YIPF2: variants seen among roughly 807,000 people sequenced by gnomAD.
YIPF2 encodes protein YIPF2.
YIPF2 carries 30 observed loss-of-function variants against 38.8 expected under a neutral mutation model. The ratio of observed to expected loss-of-function variants is 0.77; its 90% confidence interval spans 0.58 to 1.05. The LOEUF is 1.05. Ranked by LOEUF, YIPF2 falls within the 50% of genes least tolerant of loss-of-function variation. The pLI is 0.00. For synonymous variants in YIPF2, 194 were observed against 183.8 expected, an observed-to-expected ratio of 1.06 and a Z score of -0.45; for missense variants, 401 against 409.7, an observed-to-expected ratio of 0.98 and a Z score of 0.18.
Position 10,924,118 on chromosome 19 carries a change from T to C in YIPF2, c.442A>G (p.Arg148Gly). 1 of 1,613,744 alleles carries C rather than the reference T, an allele frequency of 6.2e-7. No individual in the cohort carries two copies. Among genetic ancestry groups the C allele is most frequent in the South Asian group, 1.1e-5 (1 of 91,082 alleles). ...TGNLTLVLAQ[R>G]RDPSIHYSPQ... ...CTGTAGTGGATGGAGGGGTCCCTCC[T>C]CTGGGCCAGCACCAGCGTCAGGTTG... The change falls in exon 6 of 10, where the codon AGG (arginine) becomes GGG (glycine). Residue 148 changes from arginine to glycine, a missense_variant. By Grantham distance (125) the Arg-to-Gly change is moderately radical. Coordinates refer to ENST00000586748, the MANE Select transcript of YIPF2 (RefSeq NM_001321439.2).
intron 4 of YIPF2, among the ~76,000 whole-genome samples, chr19:10,927,221 C>T (rs2083439607): frequency 6.6e-6 from 1 of 152,196 alleles, no homozygotes; most frequent in South Asian, 2.1e-4. Flanking sequence ...GTTAGCCAGG[C>T]TGGTCTTGAA....
At chr19:10,924,021 G>A in intron 6 of YIPF2, 22 bp from the exon 7 acceptor site, 2 of 1,612,492 alleles carry the variant, frequency 1.2e-6, no homozygotes, top group South Asian at 2.2e-5. Context: ...AAGGTGAGCA[G>A]TCACCCCCTG....
chr19:10,923,712 TC>T (rs1429599889), intron 7 of YIPF2, 35 bp from the exon 8 acceptor site: 2 of 1,582,420 alleles, frequency 1.3e-6, no homozygotes, highest in East Asian at 4.5e-5. Flanking sequence ...ACCATGCCAG[TC>T]CCCCCAGCCA....
rs766562986 is a variant in YIPF2 at position 10,927,790 on chromosome 19, G to A, written c.192+9C>T. 6.2e-7 allele frequency: 1 copy of A among 1,607,996 alleles called. No individual in the cohort carries two copies. On this transcript the variant is annotated intron_variant, in intron 3 of 9. Coordinates refer to ENST00000586748, the MANE Select transcript of YIPF2 (RefSeq NM_001321439.2). ...GGGGGCTGCAAGGAGGCAGGACACA[G>A]GGACTCACCGCGGCCTTGTCACTCT...
rs764066952 is a variant in YIPF2 at position 10,927,954 on chromosome 19, C to T, written c.37G>A (p.Glu13Lys). Residue 13 changes from glutamate (E) to lysine (K), a missense_variant, in exon 3 of 10, where the codon GAG becomes AAG. By Grantham distance (56) the Glu-to-Lys change is moderately conservative. Transcript: ENST00000586748. ...SADELTFHEF[E>K]EATNLLADTP... ...TCAGCCAGAAGATTAGTGGCCTCCT[C>T]GAATTCTGTGGAGGAGGTATATGGG... 4 of 1,604,870 alleles carry T rather than the reference C, an allele frequency of 2.5e-6. No individual in the cohort carries two copies. Among genetic ancestry groups the T allele is most frequent in the South Asian group, 1.1e-5 (1 of 90,874 alleles).
intron 3 of YIPF2, 33 bp downstream of exon 3, chr19:10,927,766 G>A (rs773355112): frequency 5.0e-6 from 8 of 1,609,848 alleles, no homozygotes; most frequent in Non-Finnish European, 1.7e-6. Flanking sequence ...GGGTCAGCTG[G>A]GGGCTGCAAG....
chr19:10,924,302 C>T, intron 5 of YIPF2, 110 bp from the exon 6 acceptor site: 2 of 997,244 alleles, frequency 2.0e-6, no homozygotes, highest in Non-Finnish European at 2.9e-6. Context: ...AAGCACCTTG[C>T]CTGACTCACC....
At chr19:10,925,812 G>A in intron 4 of YIPF2, 39 bp from the exon 5 acceptor site, 1 of 1,603,632 alleles carries the variant, frequency 6.2e-7, no homozygotes, top group Non-Finnish European at 8.5e-7. Context: ...AAGTCTGCCA[G>A]GAGCTTCTCC....
chr19:10,928,256 T>C, intron 2 of YIPF2, 124 bp downstream of exon 2: 1 of 1,207,252 alleles, frequency 8.3e-7, no homozygotes, highest in Non-Finnish European at 1.1e-6. Flanking sequence ...GAGATGGGTC[T>C]CACTCCTGGG....
In YIPF2 at chr19:10,924,254, A is replaced by G. The variant is rs2083383201; in HGVS notation, c.368-62T>C. The G allele has an allele frequency of 3.4e-6, 5 of 1,467,958 alleles. No homozygotes were observed. The South Asian group carries it at 4.7e-5, about 14-fold the overall frequency. 90.9% of individuals were successfully genotyped at this position (1,467,958 alleles called of 1,614,324 possible). A position where few individuals can be genotyped will look rare whatever the true frequency, so the allele number is the denominator to read the frequency against. On this transcript the variant is annotated intron_variant, in intron 5 of 9. Coordinates refer to ENST00000586748, the MANE Select transcript of YIPF2 (RefSeq NM_001321439.2). The stretch of plus-strand genomic sequence containing the variant: ...GCACTCCCAGGACAAGCAGACATGT[A>G]TCCTGACTGAGCTGTGCTGAGACCC...
rs568353844 is a variant in YIPF2 at position 10,923,006 on chromosome 19, C to T, written c.*188G>A. 2.3e-5 allele frequency: 7 copies of T among 303,064 alleles called. No homozygotes were observed. Among genetic ancestry groups the T allele is most frequent in the East Asian group, 8.8e-5 (1 of 11,308 alleles). The allele number at this position is 303,064 out of a possible 1,614,324, so 18.8% of individuals were successfully genotyped here. A position where few individuals can be genotyped will look rare whatever the true frequency, so the allele number is the denominator to read the frequency against. Reference sequence around the variant, plus strand: ...CAAAGCTCCCTGCTCGGCTGCCCCTCGCCCGCCTTTATATAAATTCTCTGA... The same window carrying T: ...CAAAGCTCCCTGCTCGGCTGCCCCTTGCCCGCCTTTATATAAATTCTCTGA... On this transcript the variant is annotated 3_prime_UTR_variant, in exon 10 of 10. Transcript: ENST00000586748.
In YIPF2 at chr19:10,927,802, G is replaced by T. The variant is rs1395343956; in HGVS notation, c.189C>A (p.Ala63=). The T allele has an allele frequency of 1.2e-6, 2 of 1,607,024 alleles. No individual in the cohort carries two copies. Among genetic ancestry groups the T allele is most frequent in the Non-Finnish European group, 8.5e-7 (1 of 1,176,118 alleles). Residue 63 remains alanine (A), a synonymous_variant, in exon 3 of 10, where the codon GCC becomes GCA. Coordinates refer to ENST00000586748, the MANE Select transcript of YIPF2 (RefSeq NM_001321439.2). The stretch of plus-strand genomic sequence containing the variant: ...GAGGCAGGACACAGGGACTCACCGC[G>T]GCCTTGTCACTCTCCTCCTCCACCT... ...EDEVEEESDK[A]ALLQEQQQQQ...
At position 10,923,880 on chromosome 19, in the gene YIPF2, T is replaced by A; in HGVS notation, c.604A>T (p.Thr202Ser). 1 of 1,613,286 alleles carries A rather than the reference T, an allele frequency of 6.2e-7. No individual in the cohort carries two copies. The highest frequency in any genetic ancestry group is 8.5e-7 in the Non-Finnish European group (1 of 1,179,658). Residue 202 changes from threonine (T) to serine (S), a missense_variant, in exon 7 of 10, where the codon ACT becomes TCT. By Grantham distance (58) the Thr-to-Ser change is moderately conservative. Coordinates refer to ENST00000586748, the MANE Select transcript of YIPF2 (RefSeq NM_001321439.2). ...AGGGAGTAGCCGTAGATGCACACAG[T>A]CTCCAGGAAGGTGTAGGGCCCCATG... ...ERMGPYTFLE[T>S]VCIYGYSLFV...
At chr19:10,926,503 G>A (rs2083427965) in intron 4 of YIPF2, among the ~76,000 whole-genome samples, 1 of 151,930 alleles carries the variant, frequency 6.6e-6, no homozygotes. Flanking sequence ...TGGGATTACA[G>A]GCGTGAGCCA....
At chr19:10,923,433 G>A in intron 8 of YIPF2, 26 bp from the exon 9 acceptor site, 1 of 1,613,344 alleles carries the variant, frequency 6.2e-7, no homozygotes, top group Non-Finnish European at 8.5e-7. Context: ...GGGGTCAGAG[G>A]CAGGGCCAGC....
At chr19:10,923,727 C>T in intron 7 of YIPF2, 50 bp from the exon 8 acceptor site, 5 of 1,579,446 alleles carry the variant, frequency 3.2e-6, no homozygotes, top group Non-Finnish European at 4.3e-6. Flanking sequence ...CCAGCCACCA[C>T]CCACTCTGCA....
In YIPF2 at chr19:10,927,812, C is replaced by G. The variant is rs1327497352; in HGVS notation, c.179G>C (p.Ser60Thr). The G allele has an allele frequency of 1.9e-6, 3 of 1,607,368 alleles. No individual in the cohort carries two copies. Among genetic ancestry groups the G allele is most frequent in the Non-Finnish European group, 2.6e-6 (3 of 1,175,930 alleles). ...ACAGGGACTCACCGCGGCCTTGTCA[C>G]TCTCCTCCTCCACCTCATCCTCGGC... ...YGAEDEVEEE[S>T]DKAALLQEQQ... The change falls in exon 3 of 10, where the codon AGT becomes ACT. Residue 60 changes from serine (S) to threonine (T), a missense_variant. By Grantham distance (58) the Ser-to-Thr change is moderately conservative (BLOSUM62 1). Coordinates refer to ENST00000586748, the MANE Select transcript of YIPF2 (RefSeq NM_001321439.2).
chr19:10,927,740 C>G (rs1014583749), intron 3 of YIPF2, 24 bp from the exon 4 acceptor site: 1 of 1,612,188 alleles, frequency 6.2e-7, no homozygotes, highest in Non-Finnish European at 8.5e-7. Context: ...GCATTCAGTG[C>G]CTGCCCGGAG....
At chr19:10,924,956 A>C (rs188753062) in intron 5 of YIPF2, among the ~76,000 whole-genome samples, 1 of 152,026 alleles carries the variant, frequency 6.6e-6, no homozygotes, top group South Asian at 2.1e-4. Flanking sequence ...TCTCGGCCAG[A>C]TAACAGTGAC....
Sources: gnomAD v4.1 joint callset for allele counts (sites outside exome capture counted in the v4.1 genomes callset) on GRCh38, gnomAD v4.1.1 for gene constraint, MANE v1.5 for transcripts, NCBI Gene and HGNC (gene_info 2026-07-23, HGNC 2026-07-21) for gene names.